The following BTBD9 variants were observed in gnomAD, a reference collection of about 807,000 sequenced individuals.
BTBD9 encodes the protein BTB domain containing 9.
Under a neutral mutation model 64.3 loss-of-function variants are expected in BTBD9, and 49 were observed. The ratio of observed to expected loss-of-function variants is 0.76; its 90% CI spans 0.61 to 0.97. The LOEUF (loss-of-function observed/expected upper bound fraction) is 0.97, where lower values mean the gene tolerates loss of function less well. Among genes scored for constraint, BTBD9 ranks in the 50% least tolerant of loss-of-function variants. The pLI is 0.00. For synonymous variants in BTBD9, 260 were observed against 274.7 expected (o/e 0.95, Z 0.53); for missense variants, 598 against 762.1 (o/e 0.78, Z 2.53).
chr6:38,416,372 T>C lies in BTBD9; in HGVS notation c.1155-71279A>G, dbSNP rs1256152347. 2.0e-5 allele frequency among the ~76,000 whole-genome samples: 3 copies of C among 151,178 alleles called. 1 individual carries two copies. Among genetic ancestry groups the C allele is most frequent in the African/African-American group, 7.3e-5 (3 of 41,042 alleles). ...TTTTTTGAGATGGAGTCTTGCTCTG[T>C]CACCCCGGCTGGAGTGCAGTGGCGT... On this transcript the variant is annotated intron_variant, in intron 6 of 10. Transcript: ENST00000481247.
chr6:38,626,450 G>A (rs58458015), intron 1 of BTBD9, among the ~76,000 whole-genome samples: 7,328 of 151,926 alleles, frequency 0.048, 273 homozygotes, highest in East Asian at 0.21. Context: ...CCCATTAACC[G>A]TCTCCTACTA....
At chr6:38,366,486 C>T (rs1403649343) in intron 6 of BTBD9, among the ~76,000 whole-genome samples, 1 of 152,196 alleles carries the variant, frequency 6.6e-6, no homozygotes, top group East Asian at 1.9e-4. Context: ...GTCCCCTAAG[C>T]ATGTCATACA....
At chr6:38,435,323 A>C (rs922852736) in intron 6 of BTBD9, among the ~76,000 whole-genome samples, 2 of 151,658 alleles carry the variant, frequency 1.3e-5, no homozygotes, top group East Asian at 3.9e-4. Flanking sequence ...CAATATGGTG[A>C]AACTCCATCT....
At chr6:38,380,595 T>G (rs1463444166) in intron 6 of BTBD9, among the ~76,000 whole-genome samples, 2 of 152,196 alleles carry the variant, frequency 1.3e-5, no homozygotes, top group African/African-American at 4.8e-5. Flanking sequence ...TTTGGGAGGC[T>G]GAGGCAGGAG....
intron 6 of BTBD9, among the ~76,000 whole-genome samples, chr6:38,467,134 A>C (rs973115498): frequency 2.6e-5 from 4 of 152,208 alleles, no homozygotes; most frequent in African/African-American, 9.7e-5. Context: ...CCTGAATTAA[A>C]ACAAACAAAC....
chr6:38,196,062 G>A (rs1182437964), intron 9 of BTBD9, among the ~76,000 whole-genome samples: 1 of 152,180 alleles, frequency 6.6e-6, no homozygotes, highest in African/African-American at 2.4e-5. Flanking sequence ...GTATTATTAC[G>A]CCAAGTATTC....
At chr6:38,222,097 C>T (rs1763216686) in intron 9 of BTBD9, among the ~76,000 whole-genome samples, 1 of 151,966 alleles carries the variant, frequency 6.6e-6, no homozygotes, top group South Asian at 2.1e-4. Context: ...TGAAGTCCAG[C>T]CAAGGAAGAG....
chr6:38,202,976 A>G (rs1166139222), intron 9 of BTBD9, among the ~76,000 whole-genome samples: 1 of 152,158 alleles, frequency 6.6e-6, no homozygotes, highest in Non-Finnish European at 1.5e-5. Context: ...AATATCCAGA[A>G]TGTACAAATA....
chr6:38,516,754 ATC>A (rs1373431876), intron 6 of BTBD9, among the ~76,000 whole-genome samples: 1 of 152,196 alleles, frequency 6.6e-6, no homozygotes, highest in African/African-American at 2.4e-5. Flanking sequence ...AGTCACAGTG[ATC>A]TGAGTAAAGT....
chr6:38,225,648 A>C (rs1334132813), intron 9 of BTBD9, among the ~76,000 whole-genome samples: 1 of 152,190 alleles, frequency 6.6e-6, no homozygotes, highest in Non-Finnish European at 1.5e-5. Context: ...TAAAATTATA[A>C]ATTGTGACAG....
chr6:38,251,108 T>G (rs538082928), intron 9 of BTBD9, among the ~76,000 whole-genome samples: 159 of 150,676 alleles, frequency 1.1e-3, no homozygotes, highest in African/African-American at 3.8e-3. Context: ...ATAATAATAA[T>G]AATAGAGGTT....
At chr6:38,611,252 G>C (rs1454022113) in intron 1 of BTBD9, among the ~76,000 whole-genome samples, 1 of 152,152 alleles carries the variant, frequency 6.6e-6, no homozygotes, top group African/African-American at 2.4e-5. Flanking sequence ...GTAACCTCCA[G>C]AGAGGGAAGT....
chr6:38,638,317 A>G (rs1778600274), intron 1 of BTBD9, among the ~76,000 whole-genome samples: 1 of 152,176 alleles, frequency 6.6e-6, no homozygotes. Context: ...CAGGTCTTCT[A>G]TGTCATTTTT....
intron 6 of BTBD9, chr6:38,504,415 G>T: frequency 2.7e-6 from 1 of 364,478 alleles, no homozygotes; most frequent in Non-Finnish European, 5.5e-6. Context: ...AAAATTATGG[G>T]CATCTATAAT....
intron 6 of BTBD9, among the ~76,000 whole-genome samples, chr6:38,521,682 CT>C (rs1033231036): frequency 8.1e-5 from 12 of 149,026 alleles, no homozygotes; most frequent in South Asian, 2.1e-4. Context: ...CTCACTACTT[CT>C]TTTTTTTTTA....
chr6:38,404,235 C>A (rs929575602), intron 6 of BTBD9, among the ~76,000 whole-genome samples: 2 of 152,196 alleles, frequency 1.3e-5, no homozygotes, highest in African/African-American at 4.8e-5. Flanking sequence ...AACTATATCT[C>A]AATTTTTAAA....
intron 6 of BTBD9, among the ~76,000 whole-genome samples, chr6:38,418,923 G>C (rs1767790429): frequency 6.6e-6 from 1 of 152,082 alleles, no homozygotes; most frequent in Admixed American, 6.5e-5. Context: ...GTCCAGCCTG[G>C]ACAAGTGAGA....
At chr6:38,626,741 G>T (rs1192805342) in intron 1 of BTBD9, among the ~76,000 whole-genome samples, 2 of 152,318 alleles carry the variant, frequency 1.3e-5, no homozygotes, top group African/African-American at 4.8e-5. Flanking sequence ...GCTCTTTGCT[G>T]CAATCAAGCC....
In BTBD9 at chr6:38,175,085, C is replaced by T; in HGVS notation, c.1739G>A (p.Gly580Asp). 6.2e-7 allele frequency: 1 copy of T among 1,614,240 alleles called. No homozygotes were observed. Among genetic ancestry groups the T allele is most frequent in the Non-Finnish European group, 8.5e-7 (1 of 1,180,050 alleles). The change falls in exon 11 of 11, where the codon GGT becomes GAT. Residue 580 changes from glycine to aspartate, a missense_variant. Coordinates refer to ENST00000481247, the MANE Select transcript of BTBD9 (RefSeq NM_001099272.2). ...ESGTGDTSLAGQQLDSHALRA... is the reference protein window; with the variant it reads ...ESGTGDTSLADQQLDSHALRA... The stretch of plus-strand genomic sequence containing the variant: ...CAGCGCATGGGAGTCGAGCTGCTGA[C>T]CGGCCAGGCTGGTGTCCCCTGTCCC...
Sources: gnomAD v4.1 joint callset for allele counts (sites outside exome capture counted in the v4.1 genomes callset) on GRCh38, gnomAD v4.1.1 for gene constraint, MANE v1.5 for transcripts, NCBI Gene and HGNC (gene_info 2026-07-23, HGNC 2026-07-21) for gene names.